The following TMEM178B variants were observed in gnomAD, a reference collection of about 807,000 sequenced individuals.
TMEM178B encodes transmembrane protein 178B.
TMEM178B carries 5 observed loss-of-function variants against 31.0 expected under a neutral mutation model. The observed-to-expected ratio is 0.16, with a 90% CI of 0.08 to 0.34. TMEM178B has a LOEUF of 0.34. TMEM178B is among the 10% of genes least tolerant of loss of function. The probability of loss-of-function intolerance (pLI) is 1.00; values close to 1 mark genes in which losing one functional copy is unlikely to be tolerated. For synonymous variants in TMEM178B, 164 were observed against 164.0 expected, an observed-to-expected ratio of 1.00 and a Z score of 0.00; for missense variants, 275 against 400.3, an observed-to-expected ratio of 0.69 and a Z score of 2.67.
chr7:141,252,640 T>C (rs904659729), intron 2 of TMEM178B, among the ~76,000 whole-genome samples: 14 of 152,354 alleles, frequency 9.2e-5, no homozygotes, highest in African/African-American at 3.4e-4. Context: ...GTGATACCTG[T>C]AGTAGCTGAT....
chr7:141,090,605 T>G (rs990940750), intron 1 of TMEM178B, among the ~76,000 whole-genome samples: 1 of 152,208 alleles, frequency 6.6e-6, no homozygotes, highest in South Asian at 2.1e-4. Flanking sequence ...TCAGTTCACT[T>G]TTCATGACTT....
chr7:141,173,382 A>G (rs974763485), intron 1 of TMEM178B, among the ~76,000 whole-genome samples: 1 of 152,186 alleles, frequency 6.6e-6, no homozygotes, highest in Non-Finnish European at 1.5e-5. Context: ...GAGCTGAATC[A>G]ATAATATACA....
chr7:141,266,426 G>A (rs922876050), intron 2 of TMEM178B, among the ~76,000 whole-genome samples: 1 of 152,186 alleles, frequency 6.6e-6, no homozygotes, highest in African/African-American at 2.4e-5. Context: ...AATCCTGAGT[G>A]TAACTGCTTT....
intron 2 of TMEM178B, among the ~76,000 whole-genome samples, chr7:141,395,666 T>A (rs1275166659): frequency 2.0e-5 from 3 of 152,140 alleles, no homozygotes; most frequent in African/African-American, 7.2e-5. Flanking sequence ...CGTCTGGCTC[T>A]GTCCTCACTC....
At chr7:141,425,356 C>T (rs758167545) in intron 2 of TMEM178B, among the ~76,000 whole-genome samples, 2 of 152,194 alleles carry the variant, frequency 1.3e-5, no homozygotes, top group Non-Finnish European at 2.9e-5. Flanking sequence ...AATTCCTGCA[C>T]TTTGCACTCT....
At chr7:141,234,303 G>T (rs1181558596) in intron 2 of TMEM178B, among the ~76,000 whole-genome samples, 4 of 152,210 alleles carry the variant, frequency 2.6e-5, no homozygotes, top group Non-Finnish European at 5.9e-5. Flanking sequence ...CTGAGGTTAG[G>T]ATGATCTGGT....
At chr7:141,319,602 G>C (rs1246899771) in intron 2 of TMEM178B, among the ~76,000 whole-genome samples, 1 of 151,932 alleles carries the variant, frequency 6.6e-6, no homozygotes, top group African/African-American at 2.4e-5. Flanking sequence ...GCCCAGGCTG[G>C]AGTGCAATGG....
chr7:141,421,951 A>G (rs1353672998), intron 2 of TMEM178B, among the ~76,000 whole-genome samples: 2 of 152,006 alleles, frequency 1.3e-5, no homozygotes, highest in East Asian at 1.9e-4. Context: ...ACTGTCACAT[A>G]TTCATAAGCT....
chr7:141,207,650 G>A (rs1796987813), intron 1 of TMEM178B, among the ~76,000 whole-genome samples: 1 of 152,084 alleles, frequency 6.6e-6, no homozygotes, highest in South Asian at 2.1e-4. Flanking sequence ...TTGCTGTTGG[G>A]TTAAATTGTC....
chr7:141,468,778 GCT>G (rs1802189881), intron 3 of TMEM178B, among the ~76,000 whole-genome samples: 1 of 152,128 alleles, frequency 6.6e-6, no homozygotes, highest in Admixed American at 6.5e-5. Context: ...AAGGAGAATA[GCT>G]CTCTCTCTTG....
intron 2 of TMEM178B, among the ~76,000 whole-genome samples, chr7:141,298,323 T>C (rs557291128): frequency 4.6e-5 from 7 of 152,326 alleles, no homozygotes; most frequent in Middle Eastern, 3.4e-3. Context: ...TTCACTCTGA[T>C]GGTAGTTTCT....
At chr7:141,188,342 G>C (rs1297614335) in intron 1 of TMEM178B, among the ~76,000 whole-genome samples, 1 of 152,184 alleles carries the variant, frequency 6.6e-6, no homozygotes, top group African/African-American at 2.4e-5. Context: ...ATGCTCATTG[G>C]AGCATTTCAG....
At position 141,355,313 on chromosome 7, in the gene TMEM178B, A is replaced by T. The variant is rs1799800415; in HGVS notation, c.497-82295A>T. Among the ~76,000 whole-genome samples, 5 of 152,214 alleles carry T rather than the reference A, an allele frequency of 3.3e-5. No individual in the cohort carries two copies. In the South Asian group the frequency reaches 1.0e-3, roughly 32 times the overall value. The stretch of plus-strand genomic sequence containing the variant: ...GGGGTGGATGGGAAATCTGGGGAAG[A>T]AAAACAGAGCCATGACCAGTCAGGC... On this transcript the variant is annotated intron_variant, in intron 2 of 3. Coordinates refer to ENST00000565468, the MANE Select transcript of TMEM178B (RefSeq NM_001195278.2).
chr7:141,441,453 G>A (rs747629914), intron 3 of TMEM178B, among the ~76,000 whole-genome samples: 5 of 152,190 alleles, frequency 3.3e-5, no homozygotes, highest in Non-Finnish European at 5.9e-5. Context: ...GAAAGGCCCC[G>A]TGGCCTTAGC....
intron 1 of TMEM178B, among the ~76,000 whole-genome samples, chr7:141,125,682 A>C (rs956074176): frequency 7.1e-6 from 1 of 139,918 alleles, no homozygotes; most frequent in African/African-American, 3.0e-5. Flanking sequence ...TCCATCTCGA[A>C]AAAAAAAAAA....
At chr7:141,205,890 C>T (rs1182078627) in intron 1 of TMEM178B, among the ~76,000 whole-genome samples, 1 of 152,216 alleles carries the variant, frequency 6.6e-6, no homozygotes, top group Non-Finnish European at 1.5e-5. Context: ...TCACTGCACG[C>T]AGTTTCTGTG....
chr7:141,493,662 C>T, the TMEM178B span, among the ~76,000 whole-genome samples: 4 of 152,176 alleles, frequency 2.6e-5, no homozygotes, highest in Admixed American at 6.5e-5. Context: ...GCTGCCCTGA[C>T]GTGAACATGA....
intron 2 of TMEM178B, among the ~76,000 whole-genome samples, chr7:141,285,163 T>G (rs1586870320): frequency 7.1e-6 from 1 of 140,846 alleles, no homozygotes; most frequent in South Asian, 2.4e-4. Flanking sequence ...TCTTTTTTTT[T>G]TTTTTTTTTT....
At chr7:141,266,140 T>C (rs1398571653) in intron 2 of TMEM178B, among the ~76,000 whole-genome samples, 1 of 152,228 alleles carries the variant, frequency 6.6e-6, no homozygotes, top group East Asian at 1.9e-4. Flanking sequence ...AAATACCCTC[T>C]TAAATGCCTT....
Sources: allele counts gnomAD v4.1 joint callset (sites outside exome capture counted in the v4.1 genomes callset), GRCh38; gene constraint gnomAD v4.1.1; transcripts MANE v1.5; gene names NCBI Gene and HGNC (gene_info 2026-07-23, HGNC 2026-07-21).